Variants in GFM1 observed in about 807,000 individuals in gnomAD.
GFM1 encodes G elongation factor mitochondrial 1.
In GFM1, 62 loss-of-function variants were observed where a neutral mutation model predicts 96.2. The ratio of observed to expected loss-of-function variants is 0.64; its 90% CI spans 0.53 to 0.80. The LOEUF is 0.80. Among genes scored for constraint, GFM1 ranks in the 30% least tolerant of loss-of-function variants. The pLI is 0.00. For missense variants in GFM1, 852 were observed against 916.6 expected (o/e 0.93, Z 0.91); for synonymous variants, 282 against 312.9 (o/e 0.90, Z 1.04).
chr3:158,681,443 T>A (rs990864021), intron 13 of GFM1, among the ~76,000 whole-genome samples: 1 of 152,246 alleles, frequency 6.6e-6, no homozygotes, highest in Non-Finnish European at 1.5e-5. Flanking sequence ...CTGTGTCTTT[T>A]GAATGACTTA....
chr3:158,670,652 A>G (rs1724197385), intron 13 of GFM1, among the ~76,000 whole-genome samples: 1 of 152,246 alleles, frequency 6.6e-6, no homozygotes, highest in Non-Finnish European at 1.5e-5. Context: ...TCAATCTTAC[A>G]GATTTGATCA....
chr3:158,672,547 C>A lies in GFM1; in HGVS notation c.1601+6161C>A, dbSNP rs527321098. 5.7e-6 allele frequency: 9 copies of A among 1,589,514 alleles called. No homozygotes were observed. In the Admixed American group the frequency reaches 8.5e-5, roughly 15 times the overall value. ...ACGGGACCAGTAGCAGAGCGCCGCC[C>A]GTCCTGCTTGCTGCTGGGTCCGGTT... On this transcript the variant is annotated intron_variant, in intron 13 of 17. Transcript: ENST00000486715.
At chr3:158,650,012 C>T (rs896256291) in intron 5 of GFM1, 1 of 1,535,986 alleles carries the variant, frequency 6.5e-7, no homozygotes, top group African/African-American at 1.4e-5. Flanking sequence ...CAGGCACTTC[C>T]TGAGGGATTT....
At chr3:158,646,595 G>A in intron 3 of GFM1, 148 bp from the exon 4 acceptor site, 1 of 782,460 alleles carries the variant, frequency 1.3e-6, no homozygotes, top group Non-Finnish European at 2.2e-6. Context: ...CTGCACCTAA[G>A]GGTTGGTGAA....
intron 13 of GFM1, among the ~76,000 whole-genome samples, chr3:158,676,447 T>G (rs1417500656): frequency 6.6e-6 from 1 of 152,184 alleles, no homozygotes; most frequent in Non-Finnish European, 1.5e-5. Flanking sequence ...ATGAATTTTA[T>G]TAGTTTGTTA....
intron 15 of GFM1, among the ~76,000 whole-genome samples, chr3:158,685,966 A>G (rs1007979597): frequency 1.3e-5 from 2 of 151,982 alleles, no homozygotes; most frequent in Non-Finnish European, 2.9e-5. Context: ...TTTACTGGAA[A>G]TTGGTAGCTT....
intron 5 of GFM1, chr3:158,649,682 G>T: frequency 3.5e-6 from 1 of 284,032 alleles, no homozygotes; most frequent in Non-Finnish European, 6.6e-6. Context: ...ACTTTTTGAT[G>T]TGGTATTTGG....
chr3:158,666,552 A>C lies in GFM1; in HGVS notation c.1601+166A>C. On this transcript the variant is annotated intron_variant, in intron 13 of 17. Transcript: ENST00000486715. Reference sequence around the variant, plus strand: ...AATCAAGACATTTATATAAAGTGACACTTTGGGATTATTTGGCCTCATAAG... The same window carrying C: ...AATCAAGACATTTATATAAAGTGACCCTTTGGGATTATTTGGCCTCATAAG... 4.0e-6 allele frequency: 5 copies of C among 1,236,454 alleles called. No homozygotes were observed. In the South Asian group the frequency reaches 6.1e-5, roughly 15 times the overall value. 76.6% of individuals were successfully genotyped at this position (1,236,454 alleles called of 1,614,324 possible). A position where few individuals can be genotyped will look rare whatever the true frequency, so the allele number is the denominator to read the frequency against.
At position 158,681,482 on chromosome 3, in the gene GFM1, C is replaced by A. The variant is rs146592902; in HGVS notation, c.1602-513C>A. On this transcript the variant is annotated intron_variant, in intron 13 of 17. Transcript: ENST00000486715. ...ATGTTAGTCTCTATCGTTTTGCCAC[C>A]GATCATTTTCAGATATTAATTATTT... is the stretch of plus-strand genomic sequence containing the variant. Among the ~76,000 whole-genome samples, 572 of 152,238 alleles carry A rather than the reference C, an allele frequency of 3.8e-3. 3 individuals carry two copies. Among genetic ancestry groups the A allele is most frequent in the African/African-American group, 0.013 (530 of 41,542 alleles).
intron 14 of GFM1, 173 bp downstream of exon 14, chr3:158,682,330 A>T (rs1466051494): frequency 3.3e-6 from 2 of 608,420 alleles, no homozygotes. Flanking sequence ...TTCATTAAGC[A>T]GAAGAGCTGT....
At chr3:158,671,640 C>T (rs1724324555) in intron 13 of GFM1, among the ~76,000 whole-genome samples, 1 of 152,198 alleles carries the variant, frequency 6.6e-6, no homozygotes, top group African/African-American at 2.4e-5. Context: ...TGTGTCACCT[C>T]TAAAAGACTG....
At chr3:158,672,719 A>T in intron 13 of GFM1, 1 of 422,588 alleles carries the variant, frequency 2.4e-6, no homozygotes, top group Non-Finnish European at 4.4e-6. Context: ...TACTGCCTGC[A>T]GCGGGCTTCC....
chr3:158,657,303 T>C (rs1227261757), intron 8 of GFM1: 1 of 152,174 alleles, frequency 6.6e-6, no homozygotes, highest in African/African-American at 2.4e-5. Context: ...TTCTTAGGAT[T>C]CCCAGAATAG....
intron 14 of GFM1, 70 bp downstream of exon 14, chr3:158,682,227 T>G (rs1725451821): frequency 7.8e-7 from 1 of 1,281,680 alleles, no homozygotes. Flanking sequence ...TAAATCATAC[T>G]TTGTCTTCCA....
intron 13 of GFM1, among the ~76,000 whole-genome samples, chr3:158,681,719 A>C (rs1387254963): frequency 6.6e-6 from 1 of 152,178 alleles, no homozygotes; most frequent in Non-Finnish European, 1.5e-5. Flanking sequence ...AGAACCTTAG[A>C]CTGACCTTTT....
chr3:158,669,533 T>C, intron 13 of GFM1: 2 of 1,614,038 alleles, frequency 1.2e-6, no homozygotes, highest in South Asian at 1.1e-5. Context: ...CTCCTTCAAA[T>C]GTGAAGTTGA....
rs927073215 is a variant in GFM1, at chr3:158,684,741, T to C, written c.1909+73T>C. Reference sequence around the variant, plus strand: ...ATCATAGCCTCAGAAGGCAACACTGTTTTCAGTCTTCTTCACCCAGAGCAC... The same window carrying C: ...ATCATAGCCTCAGAAGGCAACACTGCTTTCAGTCTTCTTCACCCAGAGCAC... On this transcript the variant is annotated intron_variant, in intron 15 of 17. Transcript: ENST00000486715. 4.6e-6 allele frequency: 7 copies of C among 1,507,994 alleles called. No individual in the cohort carries two copies. The African/African-American group carries it at 8.2e-5, about 18-fold the overall frequency. The allele number at this position is 1,507,994 out of a possible 1,614,324, so 93.4% of individuals were successfully genotyped here. A position where few individuals can be genotyped will look rare whatever the true frequency, so the allele number is the denominator to read the frequency against.
intron 13 of GFM1, among the ~76,000 whole-genome samples, chr3:158,680,845 T>C (rs1725313272): frequency 6.6e-6 from 1 of 152,168 alleles, no homozygotes; most frequent in Non-Finnish European, 1.5e-5. Context: ...AATTACTTGT[T>C]TGCGATTTGG....
intron 10 of GFM1, 147 bp from the exon 11 acceptor site, chr3:158,662,481 G>A (rs888204838): frequency 1.3e-5 from 8 of 618,426 alleles, no homozygotes; most frequent in Non-Finnish European, 2.0e-5. Flanking sequence ...ATGCAAAACA[G>A]ATCAAGATAT....
Sources: allele counts gnomAD v4.1 joint callset (sites outside exome capture counted in the v4.1 genomes callset), GRCh38; gene constraint gnomAD v4.1.1; transcripts MANE v1.5; gene names NCBI Gene and HGNC (gene_info 2026-07-23, HGNC 2026-07-21).